Variants in KRTAP19-2 observed in about 807,000 individuals in gnomAD.
KRTAP19-2 encodes the protein keratin associated protein 19-2.
KRTAP19-2 carries 2 observed loss-of-function variants against 0.3 expected under a neutral mutation model. That is an observed-to-expected ratio of 6.87 (90% CI 2.81 to 21.61). KRTAP19-2 has a LOEUF of 21.61. Among genes scored for constraint, KRTAP19-2 ranks in the 30% most tolerant of loss-of-function variants. KRTAP19-2 has a pLI of 0.03. For missense variants in KRTAP19-2, 63 were observed against 63.1 expected (o/e 1.00, Z 0.00); for synonymous variants, 31 against 24.6 (o/e 1.26, Z -0.77).
At position 30,487,312 on chromosome 21, in the gene KRTAP19-2, A is replaced by C. The variant is rs776584128; in HGVS notation, c.37T>G (p.Cys13Gly). 6.2e-7 allele frequency: 1 copy of C among 1,614,008 alleles called. No individual in the cohort carries two copies. The highest frequency in any genetic ancestry group is 8.5e-7 in the Non-Finnish European group (1 of 1,179,924). ...YGYGCGCGSF[C>G]RLGYGCGYEG... ...TAGCCGCAGCCATAGCCCAGTCTGC[A>C]GAAGCTGCCACATCCACAGCCGTAG... Residue 13 changes from cysteine to glycine, a missense_variant, in exon 1 of 1, where the codon TGC (cysteine) becomes GGC (glycine). Cys to Gly is a radical substitution (Grantham distance 159, BLOSUM62 -3). Coordinates refer to ENST00000334055, the MANE Select transcript of KRTAP19-2 (RefSeq NM_181608.2).
chr21:30,487,076 T>C lies in KRTAP19-2; in HGVS notation c.*114A>G. 1.7e-6 allele frequency: 2 copies of C among 1,157,866 alleles called. No individual in the cohort carries two copies. Among genetic ancestry groups the C allele is most frequent in the Non-Finnish European group, 2.5e-6 (2 of 808,306 alleles). 71.7% of individuals were successfully genotyped at this position (1,157,866 alleles called of 1,614,324 possible). A position where few individuals can be genotyped will look rare whatever the true frequency, so the allele number is the denominator to read the frequency against. On this transcript the variant is annotated 3_prime_UTR_variant, in exon 1 of 1. Transcript: ENST00000334055. ...CCTTTGTTTTGGTCAATTTCTCCCT[T>C]TGGAATGGGAGCATTTACACATTTA...
chr21:30,487,429 G>T lies in KRTAP19-2; in HGVS notation c.-81C>A, dbSNP rs979258271. Reference sequence around the variant, plus strand: ...CTCACGGTGTCAGAGATAGTGAGTTGGGTTTGCTGTCCCAGGCAAGGTCCT... The same window carrying T: ...CTCACGGTGTCAGAGATAGTGAGTTTGGTTTGCTGTCCCAGGCAAGGTCCT... On this transcript the variant is annotated 5_prime_UTR_variant, in exon 1 of 1. Transcript: ENST00000334055. 1 of 1,606,662 alleles carries T rather than the reference G, an allele frequency of 6.2e-7. No individual in the cohort carries two copies. The highest frequency in any genetic ancestry group is 1.1e-5 in the South Asian group (1 of 90,320).
rs748095981 is a variant in KRTAP19-2, at chr21:30,487,387, A to C, written c.-39T>G. 1.2e-6 allele frequency: 2 copies of C among 1,613,730 alleles called. No homozygotes were observed. The highest frequency in any genetic ancestry group is 1.7e-6 in the Non-Finnish European group (2 of 1,179,840). On this transcript the variant is annotated 5_prime_UTR_variant, in exon 1 of 1. Transcript: ENST00000334055. ...CCACAGCCATAGCCCAGACCTCCAC[A>C]GTAGCTGCCCTAGTAGCTCACGGTG...
chr21:30,487,056 G>T lies in KRTAP19-2; in HGVS notation c.*134C>A, dbSNP rs1408631071. On this transcript the variant is annotated 3_prime_UTR_variant, in exon 1 of 1. Coordinates refer to ENST00000334055, the MANE Select transcript of KRTAP19-2 (RefSeq NM_181608.2). ...TTGTTTGGGGTCTTATAGCCCCTTT[G>T]TTTTGGTCAATTTCTCCCTTTGGAA... 1.1e-6 allele frequency: 1 copy of T among 935,270 alleles called. No homozygotes were observed. Among genetic ancestry groups the T allele is most frequent in the African/African-American group, 1.6e-5 (1 of 60,984 alleles). 57.9% of individuals were successfully genotyped at this position (935,270 alleles called of 1,614,324 possible).
chr21:30,487,194 T>A lies in KRTAP19-2; in HGVS notation c.155A>T (p.Tyr52Phe), dbSNP rs982664154. ...CYRRYRFTGFY is the reference protein window; with the variant it reads ...CYRRYRFTGFF ...CTGCATCACTAGAGCAGCAGCTTAG[T>A]AGAAGCCAGTGAATCTATATCTTCT... The change falls in exon 1 of 1, where the codon TAC becomes TTC. Residue 52 changes from tyrosine to phenylalanine, a missense_variant. Physicochemically the swap from Tyr to Phe is conservative, Grantham distance 22 (BLOSUM62 3). Coordinates refer to ENST00000334055, the MANE Select transcript of KRTAP19-2 (RefSeq NM_181608.2). 7 of 1,613,914 alleles carry A rather than the reference T, an allele frequency of 4.3e-6. No individual in the cohort carries two copies. Among genetic ancestry groups the A allele is most frequent in the South Asian group, 1.1e-5 (1 of 91,086 alleles).
rs1303077861 is a variant in KRTAP19-2, at chr21:30,487,355, A to C, written c.-7T>G. The C allele has an allele frequency of 6.2e-7, 1 of 1,610,356 alleles. No individual in the cohort carries two copies. Among genetic ancestry groups the C allele is most frequent in the South Asian group, 1.1e-5 (1 of 90,870 alleles). ...AGCCGTAGCCATAGCACATGCCACCAAAGCCTCCACAGCCATAGCCCAGAC... is the reference window on the plus strand; with the variant it reads ...AGCCGTAGCCATAGCACATGCCACCCAAGCCTCCACAGCCATAGCCCAGAC... On this transcript the variant is annotated 5_prime_UTR_variant, in exon 1 of 1. Coordinates refer to ENST00000334055, the MANE Select transcript of KRTAP19-2 (RefSeq NM_181608.2).
In KRTAP19-2 at chr21:30,487,350, C is replaced by T. The variant is rs1482297994; in HGVS notation, c.-2G>A. Reference sequence around the variant, plus strand: ...TCCACAGCCGTAGCCATAGCACATGCCACCAAAGCCTCCACAGCCATAGCC... The same window carrying T: ...TCCACAGCCGTAGCCATAGCACATGTCACCAAAGCCTCCACAGCCATAGCC... On this transcript the variant is annotated 5_prime_UTR_variant, in exon 1 of 1. Coordinates refer to ENST00000334055, the MANE Select transcript of KRTAP19-2 (RefSeq NM_181608.2). 2.5e-6 allele frequency: 4 copies of T among 1,610,496 alleles called. No individual in the cohort carries two copies. The highest frequency in any genetic ancestry group is 3.4e-6 in the Non-Finnish European group (4 of 1,177,030).
At position 30,487,269 on chromosome 21, in the gene KRTAP19-2, C is replaced by G; in HGVS notation, c.80G>C (p.Gly27Ala). Residue 27 changes from glycine to alanine, a missense_variant, in exon 1 of 1, where the codon GGT (glycine) becomes GCT (alanine). Physicochemically the swap from Gly to Ala is moderately conservative, Grantham distance 60 (BLOSUM62 0). Transcript: ENST00000334055. ...YGCGYEGCRY[G>A]CGHRGCGDGC... is the part of the protein sequence containing the mutation. ...ATCTCCACAGCCTCTGTGGCCACAA[C>G]CATATCTGCATCCTTCATAGCCGCA... 1 of 1,614,182 alleles carries G rather than the reference C, an allele frequency of 6.2e-7. No homozygotes were observed. The highest frequency in any genetic ancestry group is 8.5e-7 in the Non-Finnish European group (1 of 1,180,040).
Sources: allele counts gnomAD v4.1 joint callset, GRCh38; gene constraint gnomAD v4.1.1; transcripts MANE v1.5; gene names NCBI Gene and HGNC (gene_info 2026-07-23, HGNC 2026-07-21).